INTS9: variants seen among roughly 807,000 people sequenced by gnomAD.
INTS9 encodes protein related to CPSF subunits of 74 kDa.
Under a neutral mutation model 79.7 loss-of-function variants are expected in INTS9, and 55 were observed. The observed-to-expected ratio is 0.69, with a 90% CI of 0.56 to 0.86. The LOEUF is 0.86. INTS9 is among the 40% of genes least tolerant of loss of function. The pLI, the probability that INTS9 is intolerant of heterozygous loss-of-function variation, is 0.00. For synonymous variants in INTS9, 319 were observed against 325.2 expected, an observed-to-expected ratio of 0.98 and a Z score of 0.20; for missense variants, 721 against 831.5, an observed-to-expected ratio of 0.87 and a Z score of 1.64.
At chr8:28,888,272 C>T (rs942471177) in intron 1 of INTS9, among the ~76,000 whole-genome samples, 2 of 152,170 alleles carry the variant, frequency 1.3e-5, no homozygotes, top group Admixed American at 1.3e-4. Context: ...TAATTTCGGA[C>T]CAGGCATGGT....
rs186076053 is a variant in INTS9 at position 28,831,225 on chromosome 8, G to A, written c.488+4067C>T. ...ACATAGGAACAGAAAACCAAACACC[G>A]CGTGTTCTCACTTTTAAGTGGGAGC... On this transcript the variant is annotated intron_variant, in intron 6 of 16. Transcript: ENST00000521022. 1.9e-3 allele frequency among the ~76,000 whole-genome samples: 290 copies of A among 152,272 alleles called. 1 individual carries two copies. The highest frequency in any genetic ancestry group is 2.5e-3 in the Non-Finnish European group (170 of 68,042).
In INTS9 at chr8:28,771,001, T is replaced by C. The variant is rs1417122785; in HGVS notation, c.1643A>G (p.Asp548Gly). 3.1e-6 allele frequency: 5 copies of C among 1,613,558 alleles called. No homozygotes were observed. The highest frequency in any genetic ancestry group is 4.2e-6 in the Non-Finnish European group (5 of 1,179,888). Residue 548 changes from aspartate to glycine, a missense_variant, in exon 15 of 17, where the codon GAT (aspartate) becomes GGT (glycine). By Grantham distance (94) the Asp-to-Gly change is moderately conservative (BLOSUM62 -1). Transcript: ENST00000521022. ...ATVSAVLHTK[D>G]NKHLLQPPPR... ...CCCTACCTGAAGCAAGTGCTTGTTA[T>C]CTTTGGTGTGCAGCACGGCCGAGAC...
intron 11 of INTS9, among the ~76,000 whole-genome samples, chr8:28,786,715 G>GT (rs1803612868): frequency 6.6e-6 from 1 of 152,106 alleles, no homozygotes; most frequent in Non-Finnish European, 1.5e-5. Context: ...GATACTGTCA[G>GT]TTTTCTTTTT....
intron 10 of INTS9, among the ~76,000 whole-genome samples, chr8:28,789,433 G>T (rs377189136): frequency 6.8e-5 from 10 of 146,920 alleles, no homozygotes; most frequent in African/African-American, 2.4e-4. Flanking sequence ...TGCTTCTTCT[G>T]GGGGTAGCTG....
Position 28,837,685 on chromosome 8 carries a change from C to T in INTS9, c.353G>A (p.Gly118Asp). ...MALPYITEHT[G>D]FTGTVYATEP... ...CGTGGCATACACTGTGCCTGTGAAG[C>T]CGGTGTGCTCGGTGATGTATGGCAG... The change falls in exon 5 of 17, where the codon GGC becomes GAC. Residue 118 changes from glycine (G) to aspartate (D), a missense_variant. Gly to Asp is a moderately conservative substitution (Grantham distance 94). Coordinates refer to ENST00000521022, the MANE Select transcript of INTS9 (RefSeq NM_018250.4). 1 of 1,613,808 alleles carries T rather than the reference C, an allele frequency of 6.2e-7. No individual in the cohort carries two copies. Among genetic ancestry groups the T allele is most frequent in the Non-Finnish European group, 8.5e-7 (1 of 1,179,978 alleles).
At chr8:28,817,953 GTC>G (rs1263838871) in intron 6 of INTS9, among the ~76,000 whole-genome samples, 3 of 149,526 alleles carry the variant, frequency 2.0e-5, no homozygotes, top group African/African-American at 7.4e-5. Context: ...TTGGCTGTTT[GTC>G]TGTTATTGGT....
chr8:28,770,824 C>T (rs1802485303), intron 15 of INTS9, among the ~76,000 whole-genome samples, 158 bp downstream of exon 15: 1 of 152,238 alleles, frequency 6.6e-6, no homozygotes, highest in Admixed American at 6.5e-5. Flanking sequence ...GACGTGCGGC[C>T]TCATCTCTGG....
Position 28,777,849 on chromosome 8 carries a change from T to G in INTS9, c.1375A>C (p.Lys459Gln), listed in dbSNP as rs1308376864. The change falls in exon 13 of 17, where the codon AAG (lysine) becomes CAG (glutamine). Residue 459 changes from lysine (K) to glutamine (Q), a missense_variant. Around this residue, in one of 3 missense-constraint regions of INTS9, gnomAD observed 281 missense variants for 300.8 expected, o/e 0.93. Transcript: ENST00000521022. ...ATTACCTGCACTTCTTTAAGCAGCT[T>G]TGACACCTGGATGAAGTTCAGCCGG... ...DTRLNFIQVS[K>Q]LLKEVQPLHV... 1 of 1,611,008 alleles carries G rather than the reference T, an allele frequency of 6.2e-7. No homozygotes were observed.
At chr8:28,861,601 A>G (rs1009977413) in intron 1 of INTS9, among the ~76,000 whole-genome samples, 9 of 152,268 alleles carry the variant, frequency 5.9e-5, no homozygotes, top group African/African-American at 2.2e-4. Context: ...ATAATCAGAA[A>G]AAAAATGTGA....
chr8:28,835,066 A>G (rs573509563), intron 6 of INTS9, among the ~76,000 whole-genome samples: 9 of 152,372 alleles, frequency 5.9e-5, no homozygotes, highest in African/African-American at 1.9e-4. Flanking sequence ...CCACCTCAAG[A>G]GCCAATTGTT....
chr8:28,829,156 T>C (rs950637545), intron 6 of INTS9, among the ~76,000 whole-genome samples: 4 of 152,220 alleles, frequency 2.6e-5, no homozygotes, highest in African/African-American at 7.2e-5. Flanking sequence ...ATTTCTAACC[T>C]TATAAAAAAT....
intron 12 of INTS9, among the ~76,000 whole-genome samples, chr8:28,779,547 G>A (rs12156054): frequency 2.0e-4 from 30 of 152,250 alleles, no homozygotes; most frequent in Middle Eastern, 3.4e-3. Flanking sequence ...CCGCTATGCC[G>A]GCTCCATTCT....
chr8:28,847,820 C>T (rs974694649), intron 3 of INTS9, among the ~76,000 whole-genome samples: 4 of 152,174 alleles, frequency 2.6e-5, no homozygotes, highest in Non-Finnish European at 5.9e-5. Flanking sequence ...GAGCCACATA[C>T]AACTTGGGGC....
At chr8:28,867,373 C>T (rs756006644) in intron 1 of INTS9, among the ~76,000 whole-genome samples, 16 of 151,764 alleles carry the variant, frequency 1.1e-4, no homozygotes, top group Non-Finnish European at 2.1e-4. Context: ...GAATGCAGAT[C>T]GTGCCACTGG....
rs746600632 is a variant in INTS9, at chr8:28,777,946, G to A, written c.1278C>T (p.Asp426=). ...SLNTVIFTEP[D]FSYLEALAPY... ...GAGCCAGGGCTTCCAGGTAGGAGAAGTCTGGTTCTAGGGAAAGTACAAGAA... is the reference window on the plus strand; with the variant it reads ...GAGCCAGGGCTTCCAGGTAGGAGAAATCTGGTTCTAGGGAAAGTACAAGAA... Residue 426 remains aspartate (D), a synonymous_variant, in exon 13 of 17, where the codon GAC becomes GAT. Coordinates refer to ENST00000521022, the MANE Select transcript of INTS9 (RefSeq NM_018250.4). 1 of 1,609,852 alleles carries A rather than the reference G, an allele frequency of 6.2e-7. No individual in the cohort carries two copies. Among genetic ancestry groups the A allele is most frequent in the South Asian group, 1.1e-5 (1 of 90,536 alleles).
intron 14 of INTS9, among the ~76,000 whole-genome samples, chr8:28,772,645 A>G (rs1017954559): frequency 6.6e-6 from 1 of 152,118 alleles, no homozygotes; most frequent in Admixed American, 6.5e-5. Context: ...GTCTCTACTA[A>G]AAATACAATA....
chr8:28,867,209 G>C (rs1404920776), intron 1 of INTS9, among the ~76,000 whole-genome samples: 1 of 152,142 alleles, frequency 6.6e-6, no homozygotes, highest in East Asian at 1.9e-4. Flanking sequence ...GATCACTTGA[G>C]GTCAGGAATT....
intron 1 of INTS9, among the ~76,000 whole-genome samples, chr8:28,888,877 T>C (rs1029356859): frequency 1.3e-5 from 2 of 152,162 alleles, no homozygotes; most frequent in Admixed American, 1.3e-4. Context: ...GCAAAGCATG[T>C]TCAGATAATT....
intron 8 of INTS9, chr8:28,799,355 G>C (rs1804398562): frequency 6.6e-6 from 1 of 152,196 alleles, no homozygotes; most frequent in African/African-American, 2.4e-5. Flanking sequence ...CTGAACCTTG[G>C]CCATTAGCAT....
Sources: gnomAD v4.1 joint callset for allele counts (sites outside exome capture counted in the v4.1 genomes callset) on GRCh38, gnomAD v4.1.1 for gene constraint, gnomAD v4.1.1 regional missense constraint, MANE v1.5 for transcripts, NCBI Gene and HGNC (gene_info 2026-07-23, HGNC 2026-07-21) for gene names.